The following EXD3 variants were observed in gnomAD, a reference collection of about 807,000 sequenced individuals.
EXD3 encodes the protein exonuclease mut-7 homolog.
Under a neutral mutation model 98.0 loss-of-function variants are expected in EXD3, and 92 were observed. The ratio of observed to expected loss-of-function variants is 0.94; its 90% CI spans 0.79 to 1.12. The LOEUF (loss-of-function observed/expected upper bound fraction) is 1.12. EXD3 is among the 50% of genes most tolerant of loss of function. The probability of loss-of-function intolerance (pLI) is 0.00; values close to 1 mark genes in which losing one functional copy is unlikely to be tolerated. For missense variants in EXD3, 1,222 were observed against 1,191.6 expected, an observed-to-expected ratio of 1.03 and a Z score of -0.38; for synonymous variants, 569 against 526.0, an observed-to-expected ratio of 1.08 and a Z score of -1.12.
At chr9:137,372,864 G>T in intron 5 of EXD3, 41 bp downstream of exon 5, 1 of 1,591,404 alleles carries the variant, frequency 6.3e-7, no homozygotes, top group Non-Finnish European at 8.5e-7. Context: ...CACCGCCCGA[G>T]AAGCCGTTTC....
intron 6 of EXD3, chr9:137,367,726 T>C: frequency 1.9e-6 from 1 of 532,562 alleles, no homozygotes. Flanking sequence ...GGACACGGGG[T>C]TCGTGTACGT....
Position 137,349,189 on chromosome 9 carries a change from C to T in EXD3, c.1751G>A (p.Arg584Lys), listed in dbSNP as rs1834115010. The T allele has an allele frequency of 3.1e-6, 5 of 1,588,676 alleles. No individual in the cohort carries two copies. The highest frequency in any genetic ancestry group is 3.4e-6 in the Non-Finnish European group (4 of 1,173,640). Residue 584 changes from arginine to lysine, a missense_variant, in exon 16 of 22, where the codon AGG becomes AAG. Coordinates refer to ENST00000340951, the MANE Select transcript of EXD3 (RefSeq NM_017820.5). The surrounding 1 kb of genome is among the most constrained non-coding windows in gnomAD (Gnocchi z 7.4). ...CCCTGGTCTCTCTCTGTGCCTGGGCCTCCGGCTCCCAGCCAGGTCCTCCGA... is the reference window on the plus strand; with the variant it reads ...CCCTGGTCTCTCTCTGTGCCTGGGCTTCCGGCTCCCAGCCAGGTCCTCCGA... The part of the protein sequence containing the change: ...HLSEDLAGSR[R>K]PRHRERPGAR...
Position 137,352,794 on chromosome 9 carries a change from G to T in EXD3, c.871-8C>A. ...GCTCTGCCCCACCAGGCCCTGTGAG[G>T]AGGGTGGCCGTGAGGATGGAGATGG... is the stretch of plus-strand genomic sequence containing the variant. On this transcript the variant is annotated splice_polypyrimidine_tract_variant and splice_region_variant and intron_variant, in intron 10 of 21. Coordinates refer to ENST00000340951, the MANE Select transcript of EXD3 (RefSeq NM_017820.5). The T allele has an allele frequency of 1.3e-6, 2 of 1,578,822 alleles. No homozygotes were observed. The highest frequency in any genetic ancestry group is 1.7e-6 in the Non-Finnish European group (2 of 1,164,814).
intron 12 of EXD3, 51 bp downstream of exon 12, chr9:137,352,015 T>A: frequency 6.4e-7 from 1 of 1,560,792 alleles, no homozygotes; most frequent in Non-Finnish European, 8.7e-7. Context: ...CTCCAGTGCC[T>A]GGCAGGGGGA....
intron 3 of EXD3, chr9:137,381,098 T>TCTCTCACACACACACACA (rs769476087): frequency 0.027 from 3,695 of 134,622 alleles, 59 homozygotes; most frequent in Non-Finnish European, 0.04. Context: ...AGACTCTGTC[T>TCTCTCACACACACACACA]CACACACACA....
intron 1 of EXD3, among the ~76,000 whole-genome samples, chr9:137,414,799 G>A (rs1265498314): frequency 6.6e-6 from 1 of 152,184 alleles, no homozygotes; most frequent in African/African-American, 2.4e-5. Flanking sequence ...CCACTCCAGG[G>A]GGGTGCTGGC....
At chr9:137,328,651 A>AG (rs1187136609) in intron 17 of EXD3, among the ~76,000 whole-genome samples, 3 of 50,332 alleles carry the variant, frequency 6.0e-5, no homozygotes, top group African/African-American at 2.8e-4. Context: ...GCTACACGGG[A>AG]CTACACGGGA....
At chr9:137,399,688 G>C (rs1266793594) in intron 1 of EXD3, among the ~76,000 whole-genome samples, 1 of 152,150 alleles carries the variant, frequency 6.6e-6, no homozygotes, top group East Asian at 1.9e-4. Flanking sequence ...CACATGGCTG[G>C]GGAGGCTTCA....
intron 7 of EXD3, among the ~76,000 whole-genome samples, chr9:137,364,770 GT>G (rs34642939): frequency 9.9e-4 from 131 of 132,110 alleles, no homozygotes; most frequent in African/African-American, 2.2e-3. Context: ...TTTGTTCTAT[GT>G]TTTTTTTTTT....
intron 19 of EXD3, 64 bp from the exon 20 acceptor site, chr9:137,309,764 C>T (rs1160133468): frequency 1.9e-5 from 23 of 1,237,718 alleles, no homozygotes; most frequent in Non-Finnish European, 2.5e-5. Context: ...TACCCCAGCC[C>T]TCTGCTCGCT....
At chr9:137,319,089 G>C (rs1831881504) in intron 19 of EXD3, among the ~76,000 whole-genome samples, 1 of 152,268 alleles carries the variant, frequency 6.6e-6, no homozygotes, top group Non-Finnish European at 1.5e-5. Context: ...GGAGCTAGGG[G>C]ACAGCGGAGG....
chr9:137,327,037 C>T (rs746457099), intron 17 of EXD3, among the ~76,000 whole-genome samples: 23 of 151,684 alleles, frequency 1.5e-4, no homozygotes, highest in Admixed American at 1.4e-3. Context: ...TCCACGTCTA[C>T]GAGGTACCTA....
chr9:137,328,580 AGCTACACGGGACTACACGGG>A (rs1832639490), intron 17 of EXD3, among the ~76,000 whole-genome samples: 4 of 91,660 alleles, frequency 4.4e-5, no homozygotes, highest in Non-Finnish European at 6.5e-5. Context: ...GTTACACAGG[AGCTACACGGGACTACACGGG>A]ACTACACGGG....
At chr9:137,357,060 G>A (rs1227804038) in intron 7 of EXD3, among the ~76,000 whole-genome samples, 2 of 152,224 alleles carry the variant, frequency 1.3e-5, no homozygotes, top group Non-Finnish European at 1.5e-5. Flanking sequence ...TTGAGATAAC[G>A]TTCCCTTAGC....
chr9:137,390,759 G>A (rs529518396), intron 2 of EXD3, among the ~76,000 whole-genome samples: 4 of 152,354 alleles, frequency 2.6e-5, no homozygotes, highest in African/African-American at 9.6e-5. Flanking sequence ...CAGCCTTGGA[G>A]GCAGAGAAAG....
intron 19 of EXD3, among the ~76,000 whole-genome samples, chr9:137,312,045 C>T (rs779498128): frequency 2.4e-4 from 37 of 152,150 alleles, no homozygotes; most frequent in Non-Finnish European, 4.0e-4. Context: ...GGGCACTCGG[C>T]GGGCCAGGAC....
intron 1 of EXD3, among the ~76,000 whole-genome samples, chr9:137,400,186 G>T (rs772708847): frequency 1.3e-5 from 2 of 152,128 alleles, no homozygotes; most frequent in African/African-American, 4.8e-5. Context: ...CTCCCATAAC[G>T]TGGGAATTCT....
In EXD3 at chr9:137,355,803, GATTC is replaced by G. The variant is rs1287427867; in HGVS notation, c.757+461_757+464del. ...CAGGTGCCAGCCTGTACCCTCCTGA[GATTC>G]AAGGGCCCCATGGAAGGGGCCTCAG... is the stretch of plus-strand genomic sequence containing the variant. On this transcript the variant is annotated intron_variant, in intron 8 of 21. Coordinates refer to ENST00000340951, the MANE Select transcript of EXD3 (RefSeq NM_017820.5). Among the ~76,000 whole-genome samples the G allele has an allele frequency of 2.0e-5, 3 of 152,110 alleles. No homozygotes were observed. The East Asian group carries it at 5.8e-4, about 29-fold the overall frequency.
At chr9:137,335,971 AAAT>A (rs1481470816) in intron 17 of EXD3, among the ~76,000 whole-genome samples, 4 of 152,188 alleles carry the variant, frequency 2.6e-5, no homozygotes, top group Non-Finnish European at 5.9e-5. Context: ...AAAAAGAACA[AAAT>A]AATGTCTCTG....
Sources: gnomAD v4.1 joint callset for allele counts (sites outside exome capture counted in the v4.1 genomes callset) on GRCh38, gnomAD v4.1.1 for gene constraint, Gnocchi (gnomAD v3.1) non-coding constraint, MANE v1.5 for transcripts, NCBI Gene and HGNC (gene_info 2026-07-23, HGNC 2026-07-21) for gene names.